The following KCNJ3 variants were observed in gnomAD, a reference collection of about 807,000 sequenced individuals.
The protein encoded by KCNJ3 is potassium inwardly rectifying channel subfamily J member 3, also known as G protein-activated inward rectifier potassium channel 1.
In KCNJ3, 4 loss-of-function variants were observed where a neutral mutation model predicts 39.2. The observed-to-expected ratio is 0.10, with a 90% CI of 0.05 to 0.23. The LOEUF (loss-of-function observed/expected upper bound fraction) is 0.23. Ranked by LOEUF, KCNJ3 falls within the 10% of genes least tolerant of loss-of-function variation. The probability of loss-of-function intolerance (pLI) is 1.00; values close to 1 mark genes in which losing one functional copy is unlikely to be tolerated. For synonymous variants in KCNJ3, 230 were observed against 237.4 expected, an observed-to-expected ratio of 0.97 and a Z score of 0.29; for missense variants, 276 against 634.9, an observed-to-expected ratio of 0.43 and a Z score of 6.08.
chr2:154,821,557 G>T (rs561324850), intron 2 of KCNJ3, among the ~76,000 whole-genome samples: 66 of 150,926 alleles, frequency 4.4e-4, no homozygotes, highest in African/African-American at 1.5e-3. Context: ...TTAAAGAACA[G>T]CCTGCCTCAA....
At chr2:154,781,226 A>T (rs1178643421) in intron 2 of KCNJ3, among the ~76,000 whole-genome samples, 2 of 152,190 alleles carry the variant, frequency 1.3e-5, no homozygotes, top group Admixed American at 1.3e-4. Flanking sequence ...CCAGTGAGAC[A>T]TGTTTCAGGT....
intron 2 of KCNJ3, among the ~76,000 whole-genome samples, chr2:154,715,793 A>G (rs542606234): frequency 3.2e-4 from 48 of 152,318 alleles, no homozygotes; most frequent in African/African-American, 1.1e-3. Context: ...TACACCAGTA[A>G]AGTTTTAATG....
At chr2:154,700,182 AT>A (rs2105143767) in intron 1 of KCNJ3, among the ~76,000 whole-genome samples, 1 of 152,314 alleles carries the variant, frequency 6.6e-6, no homozygotes, top group Non-Finnish European at 1.5e-5. Flanking sequence ...TGTTAATTTT[AT>A]TCTTAATTGC....
At chr2:154,708,362 A>G (rs1271972076) in intron 1 of KCNJ3, among the ~76,000 whole-genome samples, 1 of 152,032 alleles carries the variant, frequency 6.6e-6, no homozygotes, top group Admixed American at 6.6e-5. Flanking sequence ...GTGTTTTCAG[A>G]CTCACTTACT....
intron 2 of KCNJ3, among the ~76,000 whole-genome samples, chr2:154,723,588 G>A (rs187606678): frequency 8.6e-5 from 13 of 151,746 alleles, no homozygotes; most frequent in South Asian, 6.3e-4. Context: ...AATAATATAC[G>A]TAATATTGTC....
intron 2 of KCNJ3, among the ~76,000 whole-genome samples, chr2:154,787,439 C>T (rs774899708): frequency 1.3e-4 from 20 of 152,074 alleles, no homozygotes; most frequent in Non-Finnish European, 2.6e-4. Flanking sequence ...GTTCAGAGAC[C>T]GAACCCTCTT....
intron 2 of KCNJ3, among the ~76,000 whole-genome samples, chr2:154,777,803 T>G (rs150667202): frequency 6.6e-6 from 1 of 152,334 alleles, no homozygotes; most frequent in Non-Finnish European, 1.5e-5. Flanking sequence ...GAGTCAGTTG[T>G]CCTAATTTAA....
chr2:154,777,692 A>C (rs1686363093), intron 2 of KCNJ3, among the ~76,000 whole-genome samples: 1 of 152,116 alleles, frequency 6.6e-6, no homozygotes, highest in South Asian at 2.1e-4. Flanking sequence ...GGAATGTTTT[A>C]ATTTTTTTTC....
chr2:154,810,947 T>G (rs1473985540), intron 2 of KCNJ3, among the ~76,000 whole-genome samples: 1 of 152,206 alleles, frequency 6.6e-6, no homozygotes, highest in Non-Finnish European at 1.5e-5. Context: ...CCTTTTACTA[T>G]CCAAAGTTAA....
chr2:154,776,932 T>C (rs1043935396), intron 2 of KCNJ3, among the ~76,000 whole-genome samples: 1 of 152,144 alleles, frequency 6.6e-6, no homozygotes. Flanking sequence ...TAGTGTTCTA[T>C]TTTAAAATGA....
chr2:154,740,671 C>T (rs1685638142), intron 2 of KCNJ3, among the ~76,000 whole-genome samples: 1 of 151,994 alleles, frequency 6.6e-6, no homozygotes, highest in African/African-American at 2.4e-5. Flanking sequence ...TGTTTTAGCA[C>T]TGACTCTCTT....
At chr2:154,825,875 G>GTT (rs1343997724) in intron 2 of KCNJ3, among the ~76,000 whole-genome samples, 156 of 134,460 alleles carry the variant, frequency 1.2e-3, no homozygotes, top group South Asian at 3.1e-3. Context: ...CACTGCACCT[G>GTT]TTTTTTTTTT....
chr2:154,741,854 C>T (rs966026580), intron 2 of KCNJ3, among the ~76,000 whole-genome samples: 7 of 151,726 alleles, frequency 4.6e-5, no homozygotes, highest in African/African-American at 7.3e-5. Flanking sequence ...TAGTTTTCAG[C>T]GTACAAATCC....
chr2:154,813,898 T>A (rs1687041163), intron 2 of KCNJ3, among the ~76,000 whole-genome samples: 1 of 152,344 alleles, frequency 6.6e-6, no homozygotes, highest in South Asian at 2.1e-4. Flanking sequence ...AAATGCATTA[T>A]CCCTTTAATG....
At chr2:154,781,492 T>C (rs141192233) in intron 2 of KCNJ3, among the ~76,000 whole-genome samples, 34 of 152,278 alleles carry the variant, frequency 2.2e-4, no homozygotes, top group Admixed American at 1.8e-3. Context: ...AAATATATAG[T>C]CTGAGAAAGA....
chr2:154,706,355 A>G (rs757363812), intron 1 of KCNJ3, among the ~76,000 whole-genome samples: 16 of 152,158 alleles, frequency 1.1e-4, no homozygotes, highest in Non-Finnish European at 2.4e-4. Flanking sequence ...CAATGAAGAA[A>G]GGTCAAACTG....
intron 2 of KCNJ3, among the ~76,000 whole-genome samples, chr2:154,786,631 A>G (rs1196118277): frequency 6.6e-6 from 1 of 152,010 alleles, no homozygotes; most frequent in African/African-American, 2.4e-5. Flanking sequence ...TGTATTCAAG[A>G]CTCCTCTATT....
At position 154,811,272 on chromosome 2, in the gene KCNJ3, G is replaced by A. The variant is rs557070694; in HGVS notation, c.920-43455G>A. On this transcript the variant is annotated intron_variant, in intron 2 of 2. Transcript: ENST00000295101. ...AGACGTGGCATATGTCAAACGACAG[G>A]TTATATTAAAATGTGATAGGAGGGT... Among the ~76,000 whole-genome samples the A allele has an allele frequency of 3.9e-5, 6 of 152,214 alleles. No individual in the cohort carries two copies. The East Asian group carries it at 1.2e-3, about 29-fold the overall frequency.
intron 2 of KCNJ3, among the ~76,000 whole-genome samples, chr2:154,713,706 A>G (rs1275645981): frequency 1.3e-5 from 2 of 152,186 alleles, no homozygotes; most frequent in Admixed American, 6.5e-5. Flanking sequence ...GCAAATTTCA[A>G]AACAGAGGTT....
Sources: gnomAD v4.1 joint callset for allele counts (sites outside exome capture counted in the v4.1 genomes callset) on GRCh38, gnomAD v4.1.1 for gene constraint, MANE v1.5 for transcripts, NCBI Gene and HGNC (gene_info 2026-07-23, HGNC 2026-07-21) for gene names.